Variants in NAALADL2 observed in about 807,000 individuals in gnomAD.
The protein encoded by NAALADL2 is N-acetylated alpha-linked acidic dipeptidase like 2.
NAALADL2 carries 76 observed loss-of-function variants against 87.2 expected under a neutral mutation model. The observed-to-expected ratio is 0.87, with a 90% CI of 0.72 to 1.05. The LOEUF is 1.05. NAALADL2 is among the 50% of genes least tolerant of loss of function. The pLI is 0.00. For synonymous variants in NAALADL2, 354 were observed against 331.0 expected (o/e 1.07, Z -0.75); for missense variants, 1,089 against 945.8 (o/e 1.15, Z -1.99).
chr3:174,696,431 A>G (rs1729015704), intron 2 of NAALADL2, among the ~76,000 whole-genome samples: 1 of 151,868 alleles, frequency 6.6e-6, no homozygotes, highest in Admixed American at 6.6e-5. Context: ...GGGAAAAATA[A>G]ACACCTTGGC....
At chr3:174,786,424 C>T (rs1194738537) in intron 3 of NAALADL2, among the ~76,000 whole-genome samples, 1 of 144,464 alleles carries the variant, frequency 6.9e-6, no homozygotes, top group Non-Finnish European at 1.5e-5. Context: ...GCACTCCAGC[C>T]TGGGTGACAG....
intron 5 of NAALADL2, among the ~76,000 whole-genome samples, chr3:175,405,253 G>A (rs1712102321): frequency 6.6e-6 from 1 of 152,002 alleles, no homozygotes; most frequent in Non-Finnish European, 1.5e-5. Flanking sequence ...TTTTATCTCT[G>A]TAAGTTATTT....
chr3:175,555,424 T>G lies in NAALADL2; in HGVS notation c.1654-20617T>G, dbSNP rs755241358. On this transcript the variant is annotated intron_variant, in intron 9 of 13. Coordinates refer to ENST00000454872, the MANE Select transcript of NAALADL2 (RefSeq NM_207015.3). ...ATTTCTTATCTGTAGTCAAATGTAC[T>G]GAATTTGTGTTAACGTCGTGAAGTA... Among the ~76,000 whole-genome samples, 23 of 152,222 alleles carry G rather than the reference T, an allele frequency of 1.5e-4. 1 individual carries two copies. The highest frequency in any genetic ancestry group is 2.0e-4 in the Admixed American group (3 of 15,274).
chr3:174,479,147 T>C (rs897984959), intron 1 of NAALADL2, among the ~76,000 whole-genome samples: 12 of 152,312 alleles, frequency 7.9e-5, no homozygotes, highest in African/African-American at 2.9e-4. Context: ...CGTCATCTTA[T>C]AGTCATATTT....
intron 1 of NAALADL2, among the ~76,000 whole-genome samples, chr3:174,892,671 C>T (rs1026646208): frequency 4.6e-5 from 7 of 152,038 alleles, no homozygotes; most frequent in African/African-American, 1.7e-4. Context: ...CGCCTGTAAT[C>T]CCAGCACTTA....
At chr3:175,742,201 AGGT>A (rs1745315014) in intron 12 of NAALADL2, among the ~76,000 whole-genome samples, 1 of 152,036 alleles carries the variant, frequency 6.6e-6, no homozygotes, top group Non-Finnish European at 1.5e-5. Flanking sequence ...CTCGTCAGGG[AGGT>A]ATGTAGCTTG....
intron 13 of NAALADL2, among the ~76,000 whole-genome samples, chr3:175,787,077 C>G (rs1276051506): frequency 1.3e-5 from 2 of 151,966 alleles, no homozygotes; most frequent in African/African-American, 2.4e-5. Context: ...GTTCTCAGAT[C>G]TCCAGCTGTG....
rs150446470 is a variant in NAALADL2 at position 175,032,749 on chromosome 3, AT to A, written c.44-64036del. ...CAACTCAACTATTCTCTAATTCCAT[AT>A]TTTTCTCCATAGCACTTTCACTACC... On this transcript the variant is annotated intron_variant, in intron 1 of 13. Coordinates refer to ENST00000454872, the MANE Select transcript of NAALADL2 (RefSeq NM_207015.3). Among the ~76,000 whole-genome samples the A allele has an allele frequency of 3.6e-3, 547 of 152,046 alleles. 2 individuals carry two copies. Among genetic ancestry groups the A allele is most frequent in the African/African-American group, 0.013 (529 of 41,504 alleles).
chr3:175,083,527 C>A (rs1718291883), intron 1 of NAALADL2, among the ~76,000 whole-genome samples: 1 of 152,048 alleles, frequency 6.6e-6, no homozygotes, highest in Non-Finnish European at 1.5e-5. Context: ...TCTAGTTTTA[C>A]CTATGAAGAA....
At chr3:175,070,208 A>AT (rs1257688797) in intron 1 of NAALADL2, among the ~76,000 whole-genome samples, 17 of 148,280 alleles carry the variant, frequency 1.1e-4, no homozygotes, top group African/African-American at 4.2e-4. Flanking sequence ...AAAAATTACA[A>AT]TAAAAAATCT....
At chr3:174,838,658 A>T (rs1723649039) in intron 3 of NAALADL2, among the ~76,000 whole-genome samples, 1 of 152,218 alleles carries the variant, frequency 6.6e-6, no homozygotes, top group African/African-American at 2.4e-5. Context: ...TTCAGATACA[A>T]AATTAATGTT....
chr3:175,328,544 T>G (rs960457566), intron 5 of NAALADL2, among the ~76,000 whole-genome samples: 1 of 152,148 alleles, frequency 6.6e-6, no homozygotes, highest in Non-Finnish European at 1.5e-5. Context: ...TTGCTATAAG[T>G]ATTTCAACTG....
intron 2 of NAALADL2, among the ~76,000 whole-genome samples, chr3:174,628,402 T>A (rs141956331): frequency 0.021 from 2,947 of 138,696 alleles, 96 homozygotes; most frequent in African/African-American, 0.076. Context: ...GCTTGAACCC[T>A]GGAGGCGGAG....
intron 13 of NAALADL2, among the ~76,000 whole-genome samples, chr3:175,755,751 A>G (rs1279948559): frequency 4.0e-5 from 6 of 150,428 alleles, no homozygotes; most frequent in Non-Finnish European, 8.8e-5. Context: ...AGATCAGGGG[A>G]TAGACCCATG....
At chr3:175,622,788 A>T (rs1056975960) in intron 10 of NAALADL2, among the ~76,000 whole-genome samples, 1 of 152,138 alleles carries the variant, frequency 6.6e-6, no homozygotes, top group Non-Finnish European at 1.5e-5. Context: ...TTAAACCACA[A>T]TGTGTATTAA....
At chr3:174,545,351 A>T (rs962825685) in intron 1 of NAALADL2, among the ~76,000 whole-genome samples, 3 of 151,880 alleles carry the variant, frequency 2.0e-5, no homozygotes, top group African/African-American at 7.3e-5. Context: ...TTTCTTTTAC[A>T]CTTTTATGTA....
At chr3:174,871,380 T>C (rs1727798534) in intron 1 of NAALADL2, among the ~76,000 whole-genome samples, 1 of 152,254 alleles carries the variant, frequency 6.6e-6, no homozygotes, top group Non-Finnish European at 1.5e-5. Context: ...ATTTTAATTA[T>C]GCTATAAACT....
intron 11 of NAALADL2, chr3:175,718,425 A>C (rs878880424): frequency 3.3e-5 from 52 of 1,587,214 alleles, no homozygotes; most frequent in Non-Finnish European, 4.1e-5. Context: ...ACAAATCTTA[A>C]AAAGGGGGGT....
Position 175,803,850 on chromosome 3 carries a change from C to T in NAALADL2, c.*647C>T, listed in dbSNP as rs533285667. On this transcript the variant is annotated 3_prime_UTR_variant, in exon 14 of 14. Coordinates refer to ENST00000454872, the MANE Select transcript of NAALADL2 (RefSeq NM_207015.3). ...AAAATCTCAAGGGAGCTACATAGAG[C>T]AATTTAAATGCAAATTTTTTTCCTA... 2.6e-5 allele frequency: 4 copies of T among 152,328 alleles called. No individual in the cohort carries two copies. Among genetic ancestry groups the T allele is most frequent in the African/African-American group, 9.7e-5 (4 of 41,394 alleles). 9.4% of individuals were successfully genotyped at this position (152,328 alleles called of 1,614,324 possible).
Sources: allele counts gnomAD v4.1 joint callset (sites outside exome capture counted in the v4.1 genomes callset), GRCh38; gene constraint gnomAD v4.1.1; transcripts MANE v1.5; gene names NCBI Gene and HGNC (gene_info 2026-07-23, HGNC 2026-07-21).